Variants in GYG2 observed in about 807,000 individuals in gnomAD.
The protein encoded by GYG2 is glycogenin-2.
GYG2 carries 29 observed loss-of-function variants against 29.4 expected under a neutral mutation model. The observed-to-expected ratio is 0.99, with a 90% CI of 0.74 to 1.35. GYG2 has a LOEUF of 1.35. Ranked by LOEUF, GYG2 falls within the 40% of genes most tolerant of loss-of-function variation. The pLI, the probability that GYG2 is intolerant of heterozygous loss-of-function variation, is 0.00. For synonymous variants in GYG2, 167 were observed against 172.3 expected, an observed-to-expected ratio of 0.97 and a Z score of 0.24; for missense variants, 370 against 385.7, an observed-to-expected ratio of 0.96 and a Z score of 0.34.
chrX:2,869,796 C>T (rs776414637), intron 8 of GYG2, among the ~76,000 whole-genome samples: 11 of 111,697 alleles, frequency 9.8e-5, no homozygotes, highest in African/African-American at 3.6e-4. Flanking sequence ...GAGGTGCCAC[C>T]ACACCTGGCT....
At chrX:2,830,010 T>A (rs57068689) in intron 1 of GYG2, 51 bp from the exon 2 acceptor site, 1 of 459,095 alleles carries the variant, frequency 2.2e-6, no homozygotes, top group Non-Finnish European at 3.8e-6. Flanking sequence ...GGGGTGACAC[T>A]GGCGGGGCCT....
At chrX:2,879,768 G>A (rs1050292080) in intron 10 of GYG2, among the ~76,000 whole-genome samples, 2 of 111,839 alleles carry the variant, frequency 1.8e-5, no homozygotes, top group Non-Finnish European at 3.8e-5. Context: ...GTATAGAACG[G>A]ATGGATGGAT....
chrX:2,848,329 A>G (rs1250273616), intron 3 of GYG2, among the ~76,000 whole-genome samples: 1 of 110,966 alleles, frequency 9.0e-6, no homozygotes, highest in African/African-American at 3.3e-5. Context: ...ACTTGAGGTC[A>G]GGAGTTCGAG....
intron 8 of GYG2, among the ~76,000 whole-genome samples, chrX:2,869,582 G>T (rs2088405631): frequency 1.8e-5 from 2 of 112,237 alleles, no homozygotes; most frequent in African/African-American, 6.5e-5. Context: ...TGCGTCTGGG[G>T]CTCTTTAGTC....
At chrX:2,860,653 T>C (rs1445522458) in intron 7 of GYG2, among the ~76,000 whole-genome samples, 3 of 108,410 alleles carry the variant, frequency 2.8e-5, no homozygotes, top group African/African-American at 1.0e-4. Context: ...CTTTTTTTTT[T>C]TTTTTTTTTT....
chrX:2,875,284 T>A (rs1414583613), intron 8 of GYG2, among the ~76,000 whole-genome samples: 1 of 111,120 alleles, frequency 9.0e-6, no homozygotes, highest in Non-Finnish European at 1.9e-5. Flanking sequence ...CCACTGTACG[T>A]AATGCATTAA....
chrX:2,829,888 C>T (rs1370623171), intron 1 of GYG2, among the ~76,000 whole-genome samples, 173 bp from the exon 2 acceptor site: 2 of 108,466 alleles, frequency 1.8e-5, no homozygotes, highest in African/African-American at 3.4e-5. Context: ...CCAGAGGGCA[C>T]GAGGCTGACC....
chrX:2,880,625 C>G (rs778153766), intron 10 of GYG2, among the ~76,000 whole-genome samples: 2 of 112,156 alleles, frequency 1.8e-5, no homozygotes, highest in South Asian at 7.4e-4. Flanking sequence ...AAGAAAAGTG[C>G]TGCTGGGTGT....
intron 6 of GYG2, among the ~76,000 whole-genome samples, chrX:2,857,573 T>C (rs2088048894): frequency 9.0e-6 from 1 of 110,983 alleles, no homozygotes; most frequent in African/African-American, 3.3e-5. Context: ...GATCTATGTA[T>C]CTAGATCTAG....
At chrX:2,876,033 C>CTTTTTT (rs59937896) in intron 9 of GYG2, 119 bp downstream of exon 9, 21 of 186,519 alleles carry the variant, frequency 1.1e-4, no homozygotes, top group African/African-American at 2.0e-4. Flanking sequence ...AAATTCCTCC[C>CTTTTTT]TTTTTTTTTT....
At chrX:2,878,040 C>T (rs1409257307) in intron 10 of GYG2, 17 of 741,628 alleles carry the variant, frequency 2.3e-5, no homozygotes, top group Non-Finnish European at 2.7e-5. Flanking sequence ...TGTTCAAATG[C>T]AGCATTTTGA....
At chrX:2,829,526 G>A (rs1293333597) in intron 1 of GYG2, among the ~76,000 whole-genome samples, 1 of 94,848 alleles carries the variant, frequency 1.1e-5, no homozygotes, top group East Asian at 3.4e-4. Context: ...AGGAGGGGCG[G>A]CGAGAGGCGC....
intron 3 of GYG2, chrX:2,853,664 C>T (rs1367849516): frequency 6.5e-5 from 13 of 198,708 alleles, no homozygotes. Flanking sequence ...GGTTTCTATG[C>T]ACCTCTAAAG....
At chrX:2,837,760 T>A (rs2087405621) in intron 2 of GYG2, among the ~76,000 whole-genome samples, 2 of 110,967 alleles carry the variant, frequency 1.8e-5, no homozygotes, top group South Asian at 7.6e-4. Context: ...TTGACATTAC[T>A]TTGCTGATGA....
chrX:2,878,270 TTTC>T (rs2088643446), intron 10 of GYG2: 2 of 595,897 alleles, frequency 3.4e-6, no homozygotes, highest in Admixed American at 1.8e-4. Flanking sequence ...TTCATTACTT[TTTC>T]TTTTTAAAAA....
rs768348721 is a variant in GYG2, at chrX:2,860,034, C to T, written c.806C>T (p.Ala269Val). ...CTGCCCCTTTATAAAAGCGTCCAAG[C>T]GGGGGAAGCACGCGCGTCTCCTGGT... ...NVLPLYKSVQ[A>V]GEARASPGHT... Residue 269 changes from alanine (A) to valine (V), a missense_variant, in exon 7 of 11, where the codon GCG (alanine) becomes GTG (valine). Ala to Val is a moderately conservative substitution (Grantham distance 64). Transcript: ENST00000398806. 2.8e-5 allele frequency: 33 copies of T among 1,191,420 alleles called. No homozygotes were observed. Among genetic ancestry groups the T allele is most frequent in the South Asian group, 2.7e-4 (15 of 54,731 alleles).
chrX:2,875,311 C>T (rs1231857918), intron 8 of GYG2, among the ~76,000 whole-genome samples: 1 of 111,294 alleles, frequency 9.0e-6, no homozygotes, highest in Admixed American at 9.6e-5. Flanking sequence ...TCCTCCCCAT[C>T]TAGCATGGTG....
chrX:2,850,391 C>T (rs896114898), intron 3 of GYG2, among the ~76,000 whole-genome samples: 3 of 111,605 alleles, frequency 2.7e-5, no homozygotes, highest in Non-Finnish European at 5.6e-5. Flanking sequence ...AATACGTGTG[C>T]TGACAGTTGA....
chrX:2,832,604 G>A (rs1424575201), intron 2 of GYG2, among the ~76,000 whole-genome samples: 1 of 111,119 alleles, frequency 9.0e-6, no homozygotes, highest in East Asian at 2.8e-4. Context: ...GTGCAATATC[G>A]GCTCACTGCA....
Sources: allele counts gnomAD v4.1 joint callset (sites outside exome capture counted in the v4.1 genomes callset), GRCh38; gene constraint gnomAD v4.1.1; transcripts MANE v1.5; gene names NCBI Gene and HGNC (gene_info 2026-07-23, HGNC 2026-07-21).